The following PKD1L1 variants were observed in gnomAD, a reference collection of about 807,000 sequenced individuals.
The protein encoded by PKD1L1 is polycystin-1-like protein 1.
Under a neutral mutation model 323.4 loss-of-function variants are expected in PKD1L1, and 236 were observed. The ratio of observed to expected loss-of-function variants is 0.73; its 90% CI spans 0.66 to 0.81. The LOEUF (loss-of-function observed/expected upper bound fraction) is 0.81, where lower values mean the gene tolerates loss of function less well. Ranked by LOEUF, PKD1L1 falls within the 40% of genes least tolerant of loss-of-function variation. The probability of loss-of-function intolerance (pLI) is 0.00; values close to 1 mark genes in which losing one functional copy is unlikely to be tolerated. For missense variants in PKD1L1, 3,320 were observed against 3,508.0 expected (o/e 0.95, Z 1.35); for synonymous variants, 1,344 against 1,335.0 (o/e 1.01, Z -0.15).
Position 47,904,568 on chromosome 7 carries a change from C to T in PKD1L1, c.1741G>A (p.Glu581Lys). The T allele has an allele frequency of 2.5e-6, 4 of 1,614,124 alleles. No individual in the cohort carries two copies. Among genetic ancestry groups the T allele is most frequent in the Non-Finnish European group, 2.5e-6 (3 of 1,180,018 alleles). Residue 581 changes from glutamate to lysine, a missense_variant, in exon 12 of 57, where the codon GAG becomes AAG. Physicochemically the swap from Glu to Lys is moderately conservative, Grantham distance 56. Coordinates refer to ENST00000289672, the MANE Select transcript of PKD1L1 (RefSeq NM_138295.5). ...TTCTGCACCCTGATGACATGGGGCT[C>T]AGAGACCACACTGCTCATCCTGTTG... ...ASNRMSSVVSEPHVIRVQKKI... is the reference protein window; with the variant it reads ...ASNRMSSVVSKPHVIRVQKKI...
chr7:47,775,198 C>T, intron 56 of PKD1L1, 32 bp from the exon 57 acceptor site: 1 of 1,613,578 alleles, frequency 6.2e-7, no homozygotes, highest in Non-Finnish European at 8.5e-7. Context: ...CATACTGAAA[C>T]AACACCCCTC....
chr7:47,817,491 CAAAT>C (rs1363065648), intron 46 of PKD1L1, among the ~76,000 whole-genome samples: 1 of 152,102 alleles, frequency 6.6e-6, no homozygotes, highest in Non-Finnish European at 1.5e-5. Flanking sequence ...AAATCAAAGA[CAAAT>C]AAATGTCACT....
At chr7:47,800,967 A>G in intron 53 of PKD1L1, 88 bp from the exon 54 acceptor site, 1 of 1,242,082 alleles carries the variant, frequency 8.1e-7, no homozygotes. Flanking sequence ...AAATAGAGAC[A>G]AACTTGGAGG....
chr7:47,887,029 C>A (rs1194603275), intron 17 of PKD1L1, among the ~76,000 whole-genome samples: 2 of 142,700 alleles, frequency 1.4e-5, no homozygotes, highest in Non-Finnish European at 3.1e-5. Context: ...ATTTACTTTG[C>A]TGAAAGTCTA....
chr7:47,813,796 C>G (rs1171450148), intron 48 of PKD1L1, 135 bp downstream of exon 48: 8 of 755,736 alleles, frequency 1.1e-5, no homozygotes. Flanking sequence ...TCTCCCCAGC[C>G]CCGGCACTGA....
chr7:47,960,607 G>A, the PKD1L1 span, among the ~76,000 whole-genome samples: 9 of 150,742 alleles, frequency 6.0e-5, no homozygotes, highest in East Asian at 1.4e-3. Context: ...AGTGTGTGAC[G>A]GTAGATTATT....
At chr7:47,959,119 C>G in the PKD1L1 span, among the ~76,000 whole-genome samples, 1 of 152,248 alleles carries the variant, frequency 6.6e-6, no homozygotes, top group Non-Finnish European at 1.5e-5. Flanking sequence ...CTGGTTCACT[C>G]AGTGCTCAAT....
chr7:47,840,472 G>T lies in PKD1L1; in HGVS notation c.5541C>A (p.Thr1847=). ...ATATTTTGGAATACCTCAGGATAAA[G>T]GTGTGTCTGGAATTCCTTTCAAACA... ...KPLFERNSRH[T]FILSAPAQLG... is the part of the protein sequence containing the mutation. Residue 1847 remains threonine, a synonymous_variant, in exon 35 of 57, where the codon ACC becomes ACA. Coordinates refer to ENST00000289672, the MANE Select transcript of PKD1L1 (RefSeq NM_138295.5). This position sits in a 1 kb window ranked among gnomAD's most constrained non-coding sequence, Gnocchi z 4.1. 1.2e-6 allele frequency: 2 copies of T among 1,613,012 alleles called. No homozygotes were observed. Among genetic ancestry groups the T allele is most frequent in the Non-Finnish European group, 1.7e-6 (2 of 1,179,026 alleles).
At position 47,829,503 on chromosome 7, in the gene PKD1L1, T is replaced by C; in HGVS notation, c.6657A>G (p.Glu2219=). ...LCEATRDLDS[E]LAERSWTRLP... ...GGCGAGTCCAGGAACGTTCTGCCAA[T>C]TCAGAGTCCAGATCCCTGGTAGCCT... Residue 2219 remains glutamate, a synonymous_variant, in exon 44 of 57, where the codon GAA becomes GAG. Coordinates refer to ENST00000289672, the MANE Select transcript of PKD1L1 (RefSeq NM_138295.5). 1 of 1,614,162 alleles carries C rather than the reference T, an allele frequency of 6.2e-7. No individual in the cohort carries two copies. Among genetic ancestry groups the C allele is most frequent in the Non-Finnish European group, 8.5e-7 (1 of 1,180,032 alleles).
At chr7:47,852,067 C>A (rs1785793679) in intron 31 of PKD1L1, among the ~76,000 whole-genome samples, 1 of 151,972 alleles carries the variant, frequency 6.6e-6, no homozygotes, top group Non-Finnish European at 1.5e-5. Context: ...TAGGGAATGC[C>A]CTTGTTTTCA....
At chr7:47,956,427 G>A in the PKD1L1 span, among the ~76,000 whole-genome samples, 1 of 152,172 alleles carries the variant, frequency 6.6e-6, no homozygotes, top group South Asian at 2.1e-4. Context: ...GGGGCTCACA[G>A]CAGTCAACAA....
At chr7:47,817,661 G>A (rs975939993) in intron 46 of PKD1L1, among the ~76,000 whole-genome samples, 1 of 152,126 alleles carries the variant, frequency 6.6e-6, no homozygotes, top group Non-Finnish European at 1.5e-5. Flanking sequence ...TTGAGGCCAG[G>A]AATTTGAGAC....
chr7:47,910,655 A>T (rs1166583523), intron 8 of PKD1L1, among the ~76,000 whole-genome samples: 2 of 133,632 alleles, frequency 1.5e-5, no homozygotes, highest in Non-Finnish European at 3.2e-5. Flanking sequence ...TCTTACTTTC[A>T]AGTTGACTTT....
Position 47,855,205 on chromosome 7 carries a change from G to T in PKD1L1, c.4651C>A (p.Gln1551Lys). ...TCSSRRPINR[Q>K]WLRKPVMVEF... ...ACCATCACGGGTTTCCTTAGCCATT[G>T]CCTGTTGATGGGTCTTCTGCTGGAG... Residue 1551 changes from glutamine (Q) to lysine (K), a missense_variant, in exon 29 of 57, where the codon CAA becomes AAA. Physicochemically the swap from Gln to Lys is moderately conservative, Grantham distance 53. Transcript: ENST00000289672. 6.2e-7 allele frequency: 1 copy of T among 1,614,150 alleles called. No individual in the cohort carries two copies. Among genetic ancestry groups the T allele is most frequent in the Non-Finnish European group, 8.5e-7 (1 of 1,180,036 alleles).
intron 40 of PKD1L1, 22 bp downstream of exon 40, chr7:47,834,317 C>A (rs371648974): frequency 6.2e-7 from 1 of 1,609,502 alleles, no homozygotes. Context: ...AGATTAGCTG[C>A]TGCGCATAAT....
At position 47,932,016 on chromosome 7, in the gene PKD1L1, T is replaced by G; in HGVS notation, c.439A>C (p.Ser147Arg). The G allele has an allele frequency of 6.2e-7, 1 of 1,613,816 alleles. No homozygotes were observed. Among genetic ancestry groups the G allele is most frequent in the South Asian group, 1.1e-5 (1 of 91,042 alleles). The change falls in exon 5 of 57, where the codon AGC (serine) becomes CGC (arginine). Residue 147 changes from serine (S) to arginine (R), a missense_variant. Coordinates refer to ENST00000289672, the MANE Select transcript of PKD1L1 (RefSeq NM_138295.5). ...TGATGGAACCTGGGGCCACCACTGC[T>G]CCAGGCCCTTGCGATTATAATGAAA... The part of the protein sequence containing the change: ...KPFIIIARAW[S>R]SGGPRFHHRR...
chr7:47,881,993 C>A lies in PKD1L1; in HGVS notation c.3358G>T (p.Ala1120Ser). ...GDNLVDPSLS[A>S]GRAEPVLMID... ...ATGAGGACAGGCTCGGCTCTGCCTGCAGACAGGGAGGGGTCCACCAGGTTA... is the reference window on the plus strand; with the variant it reads ...ATGAGGACAGGCTCGGCTCTGCCTGAAGACAGGGAGGGGTCCACCAGGTTA... Residue 1120 changes from alanine to serine, a missense_variant, in exon 20 of 57, where the codon GCA becomes TCA. Physicochemically the swap from Ala to Ser is moderately conservative, Grantham distance 99. Coordinates refer to ENST00000289672, the MANE Select transcript of PKD1L1 (RefSeq NM_138295.5). The A allele has an allele frequency of 2.5e-6, 4 of 1,614,116 alleles. No individual in the cohort carries two copies. Among genetic ancestry groups the A allele is most frequent in the Non-Finnish European group, 3.4e-6 (4 of 1,180,000 alleles).
At chr7:47,932,093 C>A in intron 4 of PKD1L1, 37 bp from the exon 5 acceptor site, 1 of 1,580,828 alleles carries the variant, frequency 6.3e-7, no homozygotes, top group Non-Finnish European at 8.6e-7. Context: ...AAAAGGAAAC[C>A]CGGTCATGTT....
intron 24 of PKD1L1, among the ~76,000 whole-genome samples, chr7:47,867,445 C>G (rs1416274925): frequency 6.6e-6 from 1 of 152,090 alleles, no homozygotes; most frequent in Non-Finnish European, 1.5e-5. Context: ...ACCAAACAAA[C>G]AAAAACAACG....
Sources: gnomAD v4.1 joint callset for allele counts (sites outside exome capture counted in the v4.1 genomes callset) on GRCh38, gnomAD v4.1.1 for gene constraint, Gnocchi (gnomAD v3.1) non-coding constraint, MANE v1.5 for transcripts, NCBI Gene and HGNC (gene_info 2026-07-23, HGNC 2026-07-21) for gene names.